SPECC1: variants seen among roughly 807,000 people sequenced by gnomAD.
The protein encoded by SPECC1 is sperm antigen with calponin homology and coiled-coil domains 1.
A neutral mutation model predicts 104.1 loss-of-function variants in SPECC1; 62 were observed. The ratio of observed to expected loss-of-function variants is 0.60; its 90% CI spans 0.49 to 0.74. The LOEUF is 0.74. Among genes scored for constraint, SPECC1 ranks in the 30% least tolerant of loss-of-function variants. SPECC1 has a pLI of 0.00. For synonymous variants in SPECC1, 513 were observed against 501.6 expected (o/e 1.02, Z -0.30); for missense variants, 1,306 against 1,310.5 (o/e 1.00, Z 0.05).
At chr17:20,286,218 G>A (rs910279673) in intron 12 of SPECC1, among the ~76,000 whole-genome samples, 2 of 152,140 alleles carry the variant, frequency 1.3e-5, no homozygotes, top group African/African-American at 4.8e-5. Context: ...ATGTTCCCCT[G>A]GTTACCAGCT....
At chr17:20,093,702 TTTTTTG>T (rs1320056461) in intron 1 of SPECC1, among the ~76,000 whole-genome samples, 79 of 148,230 alleles carry the variant, frequency 5.3e-4, no homozygotes, top group African/African-American at 7.9e-4. Context: ...ATATTGTGGG[TTTTTTG>T]TTTTTGTTTT....
At chr17:20,240,857 G>A (rs1209894838) in intron 7 of SPECC1, among the ~76,000 whole-genome samples, 2 of 152,166 alleles carry the variant, frequency 1.3e-5, no homozygotes, top group South Asian at 2.1e-4. Flanking sequence ...CAGTATCAGT[G>A]TTGAACTCTG....
intron 3 of SPECC1, among the ~76,000 whole-genome samples, chr17:20,197,103 T>C (rs919098501): frequency 2.0e-5 from 3 of 152,218 alleles, no homozygotes; most frequent in Admixed American, 2.0e-4. Flanking sequence ...ATTTGCCAGT[T>C]TTTAAGTTTC....
At chr17:20,020,695 G>A (rs547392676) in intron 1 of SPECC1, among the ~76,000 whole-genome samples, 1 of 152,280 alleles carries the variant, frequency 6.6e-6, no homozygotes, top group East Asian at 1.9e-4. Context: ...CTCATTCTTA[G>A]CCCTTTATCA....
At chr17:20,021,315 A>G (rs1462769393) in intron 1 of SPECC1, among the ~76,000 whole-genome samples, 1 of 152,112 alleles carries the variant, frequency 6.6e-6, no homozygotes, top group Non-Finnish European at 1.5e-5. Context: ...TTTAATTTAC[A>G]TGAATGGCAT....
At position 20,257,613 on chromosome 17, in the gene SPECC1, G is replaced by A. The variant is rs769611539; in HGVS notation, c.2837+6G>A. ...AAACCACAAAGCAAACTCAGGTATC[G>A]TGTTTCAAACAATAAGAAATCAGAA... On this transcript the variant is annotated splice_donor_region_variant and intron_variant, in intron 11 of 14. Coordinates refer to ENST00000395527, the MANE Select transcript of SPECC1 (RefSeq NM_001243439.2). 1.1e-5 allele frequency: 18 copies of A among 1,610,966 alleles called. No individual in the cohort carries two copies. Among genetic ancestry groups the A allele is most frequent in the East Asian group, 2.2e-5 (1 of 44,830 alleles).
At chr17:20,156,234 C>T in intron 3 of SPECC1, 3 of 1,375,038 alleles carry the variant, frequency 2.2e-6, no homozygotes, top group Non-Finnish European at 2.8e-6. Context: ...GATCCGGAAC[C>T]AGGTCTGTGC....
At chr17:20,155,422 T>G (rs922225479) in intron 3 of SPECC1, 2 of 152,250 alleles carry the variant, frequency 1.3e-5, no homozygotes, top group African/African-American at 4.8e-5. Flanking sequence ...TCTAAGTGTT[T>G]TCACTGTCAG....
At chr17:20,212,566 A>G (rs567964476) in intron 4 of SPECC1, among the ~76,000 whole-genome samples, 53 of 152,282 alleles carry the variant, frequency 3.5e-4, no homozygotes, top group Middle Eastern at 6.8e-3. Flanking sequence ...AGAACAGCAC[A>G]GGAAAGACCT....
chr17:20,257,654 C>T, intron 11 of SPECC1, 47 bp downstream of exon 11: 1 of 1,601,272 alleles, frequency 6.2e-7, no homozygotes, highest in Non-Finnish European at 8.5e-7. Context: ...TCGGGCTAAT[C>T]ACCTTTTATT....
At chr17:20,222,583 A>G (rs1323781887) in intron 4 of SPECC1, among the ~76,000 whole-genome samples, 2 of 152,122 alleles carry the variant, frequency 1.3e-5, no homozygotes, top group African/African-American at 4.8e-5. Context: ...CCATGTCTTG[A>G]AAAGTTGTAG....
intron 7 of SPECC1, chr17:20,238,970 A>G: frequency 1.9e-6 from 2 of 1,038,900 alleles, no homozygotes; most frequent in Non-Finnish European, 2.3e-6. Flanking sequence ...TTTTTTCTGA[A>G]TACAGTTTCA....
chr17:20,057,700 C>G (rs1026505845), intron 1 of SPECC1: 1 of 149,872 alleles, frequency 6.7e-6, no homozygotes, highest in Non-Finnish European at 1.5e-5. Context: ...CTATGTTGCT[C>G]AGGCTGGTCT....
chr17:20,139,427 A>C (rs1334622292), intron 3 of SPECC1, among the ~76,000 whole-genome samples: 1 of 152,212 alleles, frequency 6.6e-6, no homozygotes, highest in African/African-American at 2.4e-5. Context: ...GGGATGCAGC[A>C]GTTAACGACA....
At chr17:20,248,498 C>T (rs1598082202) in intron 9 of SPECC1, among the ~76,000 whole-genome samples, 1 of 152,186 alleles carries the variant, frequency 6.6e-6, no homozygotes, top group South Asian at 2.1e-4. Context: ...ACTTGATAGA[C>T]ACATTGCCCT....
chr17:20,204,736 T>A lies in SPECC1; in HGVS notation c.687T>A (p.Leu229=). ...PGDTEPMIRA[L]EEKNKNFQKE... Reference sequence around the variant, plus strand: ...ACACGGAACCTATGATAAGAGCTCTTGAGGAGAAGAACAAGAACTTTCAGA... The same window carrying A: ...ACACGGAACCTATGATAAGAGCTCTAGAGGAGAAGAACAAGAACTTTCAGA... The change falls in exon 4 of 15, where the codon CTT becomes CTA. Residue 229 remains leucine (L), a synonymous_variant. Coordinates refer to ENST00000395527, the MANE Select transcript of SPECC1 (RefSeq NM_001243439.2). 1 of 1,614,046 alleles carries A rather than the reference T, an allele frequency of 6.2e-7. No homozygotes were observed. The highest frequency in any genetic ancestry group is 8.5e-7 in the Non-Finnish European group (1 of 1,180,002).
chr17:20,200,443 T>TG lies in SPECC1; in HGVS notation c.284-3888dup, dbSNP rs145142613. Among the ~76,000 whole-genome samples, 1,463 of 152,312 alleles carry TG rather than the reference T, an allele frequency of 9.6e-3. 29 individuals are homozygous for TG. Among genetic ancestry groups the TG allele is most frequent in the East Asian group, 0.084 (435 of 5,180 alleles). On this transcript the variant is annotated intron_variant, in intron 3 of 14. Coordinates refer to ENST00000395527, the MANE Select transcript of SPECC1 (RefSeq NM_001243439.2). The stretch of plus-strand genomic sequence containing the variant: ...GGAGCTTGCTTTTATGTTAACTTCT[T>TG]GGAATCAGCCAGCCTCAGGAGGATG...
intron 9 of SPECC1, among the ~76,000 whole-genome samples, chr17:20,249,752 A>G (rs1307783543): frequency 1.3e-5 from 2 of 152,194 alleles, no homozygotes; most frequent in Non-Finnish European, 1.5e-5. Flanking sequence ...GTCAGTATAA[A>G]TATCTGAACT....
chr17:20,309,272 C>T (rs1170110969), intron 14 of SPECC1, among the ~76,000 whole-genome samples: 1 of 152,202 alleles, frequency 6.6e-6, no homozygotes, highest in Non-Finnish European at 1.5e-5. Context: ...GAAGTGACAG[C>T]AGTAATCCCC....
Sources: gnomAD v4.1 joint callset for allele counts (sites outside exome capture counted in the v4.1 genomes callset) on GRCh38, gnomAD v4.1.1 for gene constraint, MANE v1.5 for transcripts, NCBI Gene and HGNC (gene_info 2026-07-23, HGNC 2026-07-21) for gene names.